COLEC10: variants seen among roughly 807,000 people sequenced by gnomAD.
COLEC10 encodes the protein collectin-10.
In COLEC10, 22 loss-of-function variants were observed where a neutral mutation model predicts 28.4. That is an observed-to-expected ratio of 0.78 (90% CI 0.55 to 1.11). The LOEUF (loss-of-function observed/expected upper bound fraction) is 1.11. Among genes scored for constraint, COLEC10 ranks in the 50% least tolerant of loss-of-function variants. The pLI is 0.00. For missense variants in COLEC10, 361 were observed against 344.1 expected (o/e 1.05, Z -0.39); for synonymous variants, 125 against 116.1 (o/e 1.08, Z -0.49).
At chr8:118,966,182 ATT>A in the COLEC10 span, among the ~76,000 whole-genome samples, 1 of 152,144 alleles carries the variant, frequency 6.6e-6, no homozygotes, top group East Asian at 1.9e-4. Context: ...ATGGAAAAAA[ATT>A]TAGTAGATCC....
intron 3 of COLEC10, among the ~76,000 whole-genome samples, chr8:119,092,321 C>A (rs1376219515): frequency 6.6e-6 from 1 of 152,114 alleles, no homozygotes; most frequent in Non-Finnish European, 1.5e-5. Context: ...ATCTGCCCGC[C>A]TTGGCCTCCC....
intron 2 of COLEC10, 127 bp from the exon 3 acceptor site, chr8:119,091,022 A>T (rs1815581144): frequency 1.4e-6 from 1 of 727,966 alleles, no homozygotes; most frequent in African/African-American, 1.8e-5. Context: ...ATAGCATGGG[A>T]TATATATTAG....
At chr8:118,989,673 T>C in the COLEC10 span, among the ~76,000 whole-genome samples, 1 of 151,940 alleles carries the variant, frequency 6.6e-6, no homozygotes, top group South Asian at 2.1e-4. Flanking sequence ...TTTAAGATTA[T>C]ATCAATGTGT....
intron 4 of COLEC10, among the ~76,000 whole-genome samples, chr8:119,103,390 C>A (rs1815877236): frequency 6.6e-6 from 1 of 152,042 alleles, no homozygotes; most frequent in Admixed American, 6.6e-5. Flanking sequence ...ACTGTGTCAT[C>A]TATTGAATAA....
At chr8:118,973,549 A>C in the COLEC10 span, among the ~76,000 whole-genome samples, 6 of 152,122 alleles carry the variant, frequency 3.9e-5, no homozygotes, top group African/African-American at 1.4e-4. Context: ...TACACAAGTC[A>C]AAAAGACAAA....
intron 1 of COLEC10, chr8:119,068,002 C>T (rs1052253481): frequency 2.2e-4 from 34 of 151,440 alleles, no homozygotes; most frequent in African/African-American, 8.0e-4. Flanking sequence ...ATGCCTTCTG[C>T]TCAAGGATGG....
At chr8:119,029,657 A>G (rs1338738468) in intron 2 of COLEC10, among the ~76,000 whole-genome samples, 1 of 152,134 alleles carries the variant, frequency 6.6e-6, no homozygotes, top group African/African-American at 2.4e-5. Context: ...TTTGGGTTAT[A>G]ACCATCCTGA....
intron 1 of COLEC10, among the ~76,000 whole-genome samples, chr8:119,002,037 T>C (rs1813711343): frequency 6.6e-6 from 1 of 152,222 alleles, no homozygotes; most frequent in Non-Finnish European, 1.5e-5. Flanking sequence ...CCAAGGCTTA[T>C]CATGAAATTG....
chr8:119,008,273 G>A (rs2130078351), intron 1 of COLEC10, among the ~76,000 whole-genome samples: 1 of 150,900 alleles, frequency 6.6e-6, no homozygotes, highest in East Asian at 1.9e-4. Flanking sequence ...TGGGAAAGGA[G>A]CTAATCTGGG....
chr8:119,107,348 G>C lies in COLEC10; in HGVS notation c.*1157G>C, dbSNP rs1215288348. 6.6e-6 allele frequency among the ~76,000 whole-genome samples: 1 copy of C among 152,052 alleles called. No individual in the cohort carries two copies. The highest frequency in any genetic ancestry group is 6.6e-5 in the Admixed American group (1 of 15,260). ...GCTTAGAACTCACATTTACTGAGCT[G>C]GTAAAATTCTACCTTGAACTGTAGA... On this transcript the variant is annotated 3_prime_UTR_variant, in exon 6 of 6. Coordinates refer to ENST00000332843, the MANE Select transcript of COLEC10 (RefSeq NM_006438.5).
intron 2 of COLEC10, among the ~76,000 whole-genome samples, chr8:119,056,634 CAAACA>C (rs1425286359): frequency 6.6e-6 from 1 of 152,018 alleles, no homozygotes; most frequent in Non-Finnish European, 1.5e-5. Flanking sequence ...TCTGAACAAA[CAAACA>C]AAACAAAACA....
At chr8:119,091,314 G>A (rs539821713) in intron 3 of COLEC10, 94 bp downstream of exon 3, 64 of 859,204 alleles carry the variant, frequency 7.4e-5, no homozygotes, top group Middle Eastern at 6.8e-4. Context: ...CTCAGAGACC[G>A]AGGTGGGAGG....
intron 2 of COLEC10, among the ~76,000 whole-genome samples, chr8:119,013,505 C>T (rs2130089655): frequency 6.6e-6 from 1 of 150,876 alleles, no homozygotes; most frequent in Non-Finnish European, 1.5e-5. Context: ...TTGAGTTCAA[C>T]TCAATGTCCT....
intron 2 of COLEC10, among the ~76,000 whole-genome samples, chr8:119,026,237 G>A (rs1337084138): frequency 1.3e-5 from 2 of 152,018 alleles, no homozygotes; most frequent in Non-Finnish European, 2.9e-5. Flanking sequence ...TTGATTTTGG[G>A]AAGCTACATA....
At chr8:119,018,508 G>T (rs1287604967) in intron 2 of COLEC10, among the ~76,000 whole-genome samples, 1 of 152,270 alleles carries the variant, frequency 6.6e-6, no homozygotes, top group Non-Finnish European at 1.5e-5. Context: ...TTAAAAGTTT[G>T]CACATTTGGC....
intron 2 of COLEC10, among the ~76,000 whole-genome samples, chr8:119,030,091 T>TC (rs1814261212): frequency 6.6e-6 from 1 of 152,148 alleles, no homozygotes; most frequent in African/African-American, 2.4e-5. Flanking sequence ...CATATCTCCC[T>TC]CTTTGTTACA....
In COLEC10 at chr8:119,102,444, C is replaced by A. The variant is rs754046790; in HGVS notation, c.346+43C>A. The A allele has an allele frequency of 2.1e-6, 3 of 1,453,126 alleles. No individual in the cohort carries two copies. The Admixed American group carries it at 5.8e-5, about 28-fold the overall frequency. The allele number at this position is 1,453,126 out of a possible 1,614,324, so 90.0% of individuals were successfully genotyped here. A position where few individuals can be genotyped will look rare whatever the true frequency, so the allele number is the denominator to read the frequency against. ...TTCTCTTTGATTTCTAGCATGATTC[C>A]AAGTTTATTCATCTCAAAAATAAAT... On this transcript the variant is annotated intron_variant, in intron 4 of 5. Transcript: ENST00000332843.
At chr8:118,996,275 C>T (rs907754136) in intron 1 of COLEC10, among the ~76,000 whole-genome samples, 1 of 152,134 alleles carries the variant, frequency 6.6e-6, no homozygotes, top group Non-Finnish European at 1.5e-5. Flanking sequence ...TTCACACAAC[C>T]ATGATAGAGA....
In COLEC10 at chr8:119,022,724, TCCCCTCC is replaced by T; in HGVS notation, n.235+13172_235+13178del. On this transcript the variant is annotated intron_variant and non_coding_transcript_variant, in intron 2 of 6. Transcript: ENST00000521788. ...TCTACTCTTCTTGCATAATACCCAG[TCCCCTCC>T]ACTGGCTGCCTCCCCAGCTCAGTAG... Among the ~76,000 whole-genome samples, 3 of 152,098 alleles carry T rather than the reference TCCCCTCC, an allele frequency of 2.0e-5. No individual in the cohort carries two copies. In the East Asian group the frequency reaches 5.8e-4, roughly 29 times the overall value.
Sources: allele counts gnomAD v4.1 joint callset (sites outside exome capture counted in the v4.1 genomes callset), GRCh38; gene constraint gnomAD v4.1.1; transcripts MANE v1.5; gene names NCBI Gene and HGNC (gene_info 2026-07-23, HGNC 2026-07-21).